Variants in PITPNM2 observed in about 807,000 individuals in gnomAD.
PITPNM2 encodes phosphatidylinositol transfer protein membrane associated 2, also known as membrane-associated phosphatidylinositol transfer protein 2.
Under a neutral mutation model 132.2 loss-of-function variants are expected in PITPNM2, and 35 were observed. That is an observed-to-expected ratio of 0.26 (90% CI 0.20 to 0.35). The LOEUF is 0.35. Ranked by LOEUF, PITPNM2 falls within the 10% of genes least tolerant of loss-of-function variation. The pLI is 1.00. For synonymous variants in PITPNM2, 738 were observed against 799.2 expected, an observed-to-expected ratio of 0.92 and a Z score of 1.29; for missense variants, 1,332 against 1,912.0, an observed-to-expected ratio of 0.70 and a Z score of 5.66.
intron 1 of PITPNM2, among the ~76,000 whole-genome samples, chr12:123,128,391 A>C (rs2043191613): frequency 6.8e-6 from 1 of 147,892 alleles, no homozygotes; most frequent in African/African-American, 2.5e-5. Context: ...GCAGTGAGCT[A>C]AATCACGCCA....
At chr12:123,128,077 C>T (rs546899935) in intron 1 of PITPNM2, among the ~76,000 whole-genome samples, 142 of 151,616 alleles carry the variant, frequency 9.4e-4, no homozygotes, top group African/African-American at 3.3e-3. Context: ...GATGCAATAC[C>T]CAGGAGCATT....
intron 10 of PITPNM2, among the ~76,000 whole-genome samples, chr12:122,998,042 A>G (rs1214129247): frequency 1.3e-5 from 2 of 152,180 alleles, no homozygotes; most frequent in Non-Finnish European, 2.9e-5. Context: ...GGCCACCACC[A>G]GCTCAAAGTT....
Position 123,006,619 on chromosome 12 carries a change from G to T in PITPNM2, c.644-1071C>A, listed in dbSNP as rs576475244. On this transcript the variant is annotated intron_variant, in intron 6 of 25. Coordinates refer to ENST00000320201, the MANE Select transcript of PITPNM2 (RefSeq NM_020845.3). ...TCCCAGCTACTTGTGAGGTGGAGGTGGGGGGATCGCTTGAGCCCAGGAGTT... is the reference window on the plus strand; with the variant it reads ...TCCCAGCTACTTGTGAGGTGGAGGTTGGGGGATCGCTTGAGCCCAGGAGTT... Among the ~76,000 whole-genome samples the T allele has an allele frequency of 9.2e-5, 14 of 151,358 alleles. 1 individual carries two copies. The South Asian group carries it at 2.7e-3, about 29-fold the overall frequency.
At chr12:123,043,225 C>G (rs1239328905) in intron 2 of PITPNM2, among the ~76,000 whole-genome samples, 1 of 152,038 alleles carries the variant, frequency 6.6e-6, no homozygotes, top group Non-Finnish European at 1.5e-5. Flanking sequence ...GGTTGGGAAC[C>G]AGGACCCTGA....
chr12:123,006,095 A>G (rs1443280574), intron 6 of PITPNM2: 3 of 152,202 alleles, frequency 2.0e-5, no homozygotes, highest in Non-Finnish European at 1.5e-5. Context: ...TGGGTAACAG[A>G]GTGGGACCCT....
At chr12:123,143,007 T>C (rs2137677516) in intron 1 of PITPNM2, among the ~76,000 whole-genome samples, 1 of 152,234 alleles carries the variant, frequency 6.6e-6, no homozygotes, top group Non-Finnish European at 1.5e-5. Flanking sequence ...GCCAAGCCAG[T>C]GTTAAGCACG....
At chr12:123,147,907 A>G (rs775133060) in intron 1 of PITPNM2, among the ~76,000 whole-genome samples, 26 of 152,220 alleles carry the variant, frequency 1.7e-4, no homozygotes, top group Admixed American at 1.1e-3. Flanking sequence ...CATAGTATAC[A>G]AACAAAACGT....
intron 6 of PITPNM2, among the ~76,000 whole-genome samples, chr12:123,007,981 T>C (rs566416569): frequency 6.6e-6 from 1 of 152,324 alleles, no homozygotes; most frequent in South Asian, 2.1e-4. Flanking sequence ...GCTCCACCTA[T>C]GTGCCACACC....
rs534465698 is a variant in PITPNM2, at chr12:123,023,968, A to T, written c.79-9926T>A. On this transcript the variant is annotated intron_variant, in intron 3 of 25. Coordinates refer to ENST00000320201, the MANE Select transcript of PITPNM2 (RefSeq NM_020845.3). The surrounding 1 kb of genome is among the most constrained non-coding windows in gnomAD (Gnocchi z 4.8). ...CAACAACCCCATTCAAAAACTGGCA[A>T]AGGAGCTGGGCATGGTGCTGTACAC... Among the ~76,000 whole-genome samples the T allele has an allele frequency of 1.3e-5, 2 of 152,312 alleles. No homozygotes were observed. Among genetic ancestry groups the T allele is most frequent in the African/African-American group, 2.4e-5 (1 of 41,564 alleles).
intron 1 of PITPNM2, among the ~76,000 whole-genome samples, chr12:123,124,012 T>C (rs2043084269): frequency 6.6e-6 from 1 of 152,018 alleles, no homozygotes; most frequent in Middle Eastern, 3.4e-3. Flanking sequence ...TCCCACCACT[T>C]TGGGAGGCCG....
At chr12:122,995,160 C>A (rs890916118) in intron 14 of PITPNM2, among the ~76,000 whole-genome samples, 181 bp from the exon 15 acceptor site, 1 of 152,204 alleles carries the variant, frequency 6.6e-6, no homozygotes, top group African/African-American at 2.4e-5. Context: ...CCACCCTCAC[C>A]CTCAAGACAA....
At position 122,988,346 on chromosome 12, in the gene PITPNM2, A is replaced by G; in HGVS notation, c.2885T>C (p.Met962Thr). 1 of 1,613,156 alleles carries G rather than the reference A, an allele frequency of 6.2e-7. No individual in the cohort carries two copies. Among genetic ancestry groups the G allele is most frequent in the South Asian group, 1.1e-5 (1 of 91,082 alleles). ...DVVSFLLRQV[M>T]RHDNSSILEL... ...CAAGATGCTGGAGTTGTCATGCCTCATGACCTGGGAAGAGGGGACAGTGCA... is the reference window on the plus strand; with the variant it reads ...CAAGATGCTGGAGTTGTCATGCCTCGTGACCTGGGAAGAGGGGACAGTGCA... Residue 962 changes from methionine to threonine, a missense_variant, in exon 20 of 26, where the codon ATG becomes ACG. Physicochemically the swap from Met to Thr is moderately conservative, Grantham distance 81. Coordinates refer to ENST00000320201, the MANE Select transcript of PITPNM2 (RefSeq NM_020845.3).
intron 2 of PITPNM2, among the ~76,000 whole-genome samples, chr12:123,048,951 T>C (rs1159769325): frequency 6.6e-6 from 1 of 151,872 alleles, no homozygotes; most frequent in African/African-American, 2.4e-5. Flanking sequence ...CTGGGCAACA[T>C]AGTGAGACCC....
At chr12:123,039,133 C>T (rs983089569) in intron 2 of PITPNM2, among the ~76,000 whole-genome samples, 12 of 152,108 alleles carry the variant, frequency 7.9e-5, no homozygotes, top group Non-Finnish European at 1.3e-4. Flanking sequence ...GCACCCCTGG[C>T]ACGGCCGGGC....
intron 2 of PITPNM2, among the ~76,000 whole-genome samples, chr12:123,050,063 G>C (rs761452423): frequency 7.2e-5 from 11 of 152,242 alleles, no homozygotes; most frequent in Non-Finnish European, 1.2e-4. Flanking sequence ...CTGTGACTCA[G>C]ACTTTTCATG....
intron 2 of PITPNM2, among the ~76,000 whole-genome samples, chr12:123,073,814 G>A (rs2041690945): frequency 6.6e-6 from 1 of 152,158 alleles, no homozygotes; most frequent in African/African-American, 2.4e-5. Flanking sequence ...AGATGCAGGG[G>A]GCTCTCCTCC....
intron 2 of PITPNM2, among the ~76,000 whole-genome samples, chr12:123,068,245 A>T (rs543556699): frequency 1.3e-5 from 2 of 152,276 alleles, no homozygotes; most frequent in Admixed American, 6.5e-5. Context: ...AGGTGGGCGG[A>T]TCACAAAGTC....
At chr12:123,067,526 G>A (rs1566275798) in intron 2 of PITPNM2, among the ~76,000 whole-genome samples, 1 of 151,668 alleles carries the variant, frequency 6.6e-6, no homozygotes, top group Non-Finnish European at 1.5e-5. Context: ...GAGGACACAG[G>A]AGACACAGGA....
Position 122,986,358 on chromosome 12 carries a change from G to A in PITPNM2, c.3727-8C>T. ...GTAGCCATCCGTGATGAACTGCGGG[G>A]TCAGTGAGGACGGCTGTCACAGGCT... On this transcript the variant is annotated splice_region_variant and splice_polypyrimidine_tract_variant and intron_variant, in intron 25 of 25. Coordinates refer to ENST00000320201, the MANE Select transcript of PITPNM2 (RefSeq NM_020845.3). The A allele has an allele frequency of 2.5e-6, 4 of 1,582,846 alleles. No homozygotes were observed. The highest frequency in any genetic ancestry group is 3.4e-6 in the Non-Finnish European group (4 of 1,165,800).
Sources: gnomAD v4.1 joint callset for allele counts (sites outside exome capture counted in the v4.1 genomes callset) on GRCh38, gnomAD v4.1.1 for gene constraint, Gnocchi (gnomAD v3.1) non-coding constraint, MANE v1.5 for transcripts, NCBI Gene and HGNC (gene_info 2026-07-23, HGNC 2026-07-21) for gene names.